Variants in USP31 observed in about 807,000 individuals in gnomAD.
USP31 encodes ubiquitin carboxyl-terminal hydrolase 31.
Under a neutral mutation model 119.4 loss-of-function variants are expected in USP31, and 44 were observed. The observed-to-expected ratio is 0.37, with a 90% confidence interval of 0.29 to 0.47. USP31 has a LOEUF of 0.47. Among genes scored for constraint, USP31 ranks in the 20% least tolerant of loss-of-function variants. The pLI, the probability that USP31 is intolerant of heterozygous loss-of-function variation, is 0.99. For synonymous variants in USP31, 749 were observed against 705.6 expected, an observed-to-expected ratio of 1.06 and a Z score of -0.97; for missense variants, 1,643 against 1,730.2, an observed-to-expected ratio of 0.95 and a Z score of 0.89.
At chr16:23,125,128 G>A (rs974975831) in intron 1 of USP31, among the ~76,000 whole-genome samples, 5 of 152,110 alleles carry the variant, frequency 3.3e-5, no homozygotes, top group Admixed American at 2.6e-4. Flanking sequence ...TTGGTTGGTT[G>A]TTCTTGCTAA....
In USP31 at chr16:23,063,985, AC is replaced by A. The variant is rs1899962167; in HGVS notation, c.*4060del. 6.6e-6 allele frequency: 1 copy of A among 152,600 alleles called. No individual in the cohort carries two copies. The highest frequency in any genetic ancestry group is 2.4e-5 in the African/African-American group (1 of 41,438). 9.5% of individuals were successfully genotyped at this position (152,600 alleles called of 1,614,324 possible). On this transcript the variant is annotated 3_prime_UTR_variant, in exon 16 of 16. Transcript: ENST00000219689. ...ATGTAGTAGAGTTTAACAATAATGT[AC>A]CCTTTATGAAATGAAAGTTAAAGAC...
rs775961971 is a variant in USP31 at position 23,067,972 on chromosome 16, A to C, written c.*74T>G. ...AAAAAGTACAAAACAAAAGCACAGG[A>C]GGCTTTGGTGGGAGGGCAGGGGTTC... On this transcript the variant is annotated 3_prime_UTR_variant, in exon 16 of 16. Coordinates refer to ENST00000219689, the MANE Select transcript of USP31 (RefSeq NM_020718.4). The C allele has an allele frequency of 2.0e-6, 3 of 1,515,946 alleles. No homozygotes were observed. The highest frequency in any genetic ancestry group is 2.6e-6 in the Non-Finnish European group (3 of 1,136,096). The allele number at this position is 1,515,946 out of a possible 1,614,324, so 93.9% of individuals were successfully genotyped here. A position where few individuals can be genotyped will look rare whatever the true frequency, so the allele number is the denominator to read the frequency against.
intron 13 of USP31, among the ~76,000 whole-genome samples, chr16:23,077,534 T>C (rs1238439405): frequency 6.6e-6 from 1 of 151,420 alleles, no homozygotes. Flanking sequence ...GAGAAAAGAG[T>C]CCCAGAGATT....
Position 23,148,684 on chromosome 16 carries a change from G to A in USP31, c.587C>T (p.Ala196Val). 3.3e-6 allele frequency: 5 copies of A among 1,493,338 alleles called. No homozygotes were observed. The highest frequency in any genetic ancestry group is 1.3e-5 in the South Asian group (1 of 78,496). 92.5% of individuals were successfully genotyped at this position (1,493,338 alleles called of 1,614,324 possible). ...VTEQLAHLVR[A>V]LWTLEYTPQH... is the part of the protein sequence containing the mutation. ...CGGGGTGTACTCCAGGGTCCAGAGGGCCCGCACCAGGTGCGCCAGCTGCTC... is the reference window on the plus strand; with the variant it reads ...CGGGGTGTACTCCAGGGTCCAGAGGACCCGCACCAGGTGCGCCAGCTGCTC... The change falls in exon 1 of 16, where the codon GCC becomes GTC. Residue 196 changes from alanine (A) to valine (V), a missense_variant. Coordinates refer to ENST00000219689, the MANE Select transcript of USP31 (RefSeq NM_020718.4).
At chr16:23,143,915 C>T (rs1021674905) in intron 1 of USP31, among the ~76,000 whole-genome samples, 1 of 152,044 alleles carries the variant, frequency 6.6e-6, no homozygotes, top group African/African-American at 2.4e-5. Flanking sequence ...GGCAAAAGTG[C>T]CCGTGTTGAA....
At chr16:23,071,722 T>C (rs1252236221) in intron 15 of USP31, among the ~76,000 whole-genome samples, 2 of 140,540 alleles carry the variant, frequency 1.4e-5, no homozygotes, top group African/African-American at 2.7e-5. Flanking sequence ...CTCTTCCAGC[T>C]ATCCTGCTTT....
chr16:23,104,788 A>G (rs1902022762), intron 5 of USP31, among the ~76,000 whole-genome samples: 2 of 152,230 alleles, frequency 1.3e-5, no homozygotes, highest in South Asian at 4.1e-4. Context: ...TTCCAAATAA[A>G]ATAATAATAG....
rs1250432650 is a variant in USP31 at position 23,068,487 on chromosome 16, G to A, written c.3618C>T (p.Ser1206=). 2 of 1,613,320 alleles carry A rather than the reference G, an allele frequency of 1.2e-6. No homozygotes were observed. Among genetic ancestry groups the A allele is most frequent in the African/African-American group, 2.7e-5 (2 of 74,928 alleles). Residue 1206 remains serine, a synonymous_variant, in exon 16 of 16, where the codon TCC becomes TCT. Transcript: ENST00000219689. Reference sequence around the variant, plus strand: ...AACCAGACTTGATGCTTGTGCTGGGGGAGCGCAGGCTGGCCATGGAGGAGC... The same window carrying A: ...AACCAGACTTGATGCTTGTGCTGGGAGAGCGCAGGCTGGCCATGGAGGAGC... ...VRSSSMASLR[S]PSTSIKSGLK...
chr16:23,075,767 C>T (rs1596686192), intron 13 of USP31, among the ~76,000 whole-genome samples: 1 of 152,134 alleles, frequency 6.6e-6, no homozygotes, highest in East Asian at 1.9e-4. Context: ...TAGCTAGAAA[C>T]AGTGCAAAAT....
At chr16:23,082,666 A>AC in intron 11 of USP31, 109 bp from the exon 12 acceptor site, 1 of 1,447,214 alleles carries the variant, frequency 6.9e-7, no homozygotes, top group East Asian at 2.4e-5. Flanking sequence ...CTCTCTGTAA[A>AC]CCGCAGATGC....
intron 1 of USP31, among the ~76,000 whole-genome samples, chr16:23,113,197 A>T (rs1902379873): frequency 6.6e-6 from 1 of 152,174 alleles, no homozygotes; most frequent in Admixed American, 6.5e-5. Context: ...TGAACCAGGA[A>T]TAGAGGAAGA....
rs760084457 is a variant in USP31 at position 23,148,770 on chromosome 16, C to T, written c.501G>A (p.Glu167=). ...ALGQYRAGRP[E]PSPDPEQPAG... is the part of the protein sequence containing the mutation. Reference sequence around the variant, plus strand: ...CAGGCTGCTCCGGGTCAGGCGAGGGCTCGGGCCGCCCCGCCCGGTACTGGC... The same window carrying T: ...CAGGCTGCTCCGGGTCAGGCGAGGGTTCGGGCCGCCCCGCCCGGTACTGGC... The change falls in exon 1 of 16, where the codon GAG becomes GAA. Residue 167 remains glutamate (E), a synonymous_variant. Coordinates refer to ENST00000219689, the MANE Select transcript of USP31 (RefSeq NM_020718.4). 2 of 1,528,662 alleles carry T rather than the reference C, an allele frequency of 1.3e-6. No individual in the cohort carries two copies. Among genetic ancestry groups the T allele is most frequent in the Admixed American group, 2.2e-5 (1 of 46,122 alleles). The allele number at this position is 1,528,662 out of a possible 1,614,324, so 94.7% of individuals were successfully genotyped here. A position where few individuals can be genotyped will look rare whatever the true frequency, so the allele number is the denominator to read the frequency against.
intron 1 of USP31, among the ~76,000 whole-genome samples, chr16:23,147,454 A>G (rs1903550972): frequency 1.3e-5 from 2 of 152,140 alleles, no homozygotes; most frequent in Non-Finnish European, 2.9e-5. Context: ...ACCTGAAAGT[A>G]TCCCTTACAC....
rs1900061414 is a variant in USP31 at position 23,066,201 on chromosome 16, G to A, written c.*1845C>T. On this transcript the variant is annotated 3_prime_UTR_variant, in exon 16 of 16. Coordinates refer to ENST00000219689, the MANE Select transcript of USP31 (RefSeq NM_020718.4). ...CAGGGCTGAGTGCAATGGACAACAG[G>A]CTCACAGTCAATGAATCACATGGAG... 6.6e-6 allele frequency: 1 copy of A among 152,502 alleles called. No individual in the cohort carries two copies. The highest frequency in any genetic ancestry group is 2.1e-4 in the South Asian group (1 of 4,832). The allele number at this position is 152,502 out of a possible 1,614,324, so 9.4% of individuals were successfully genotyped here.
chr16:23,105,638 G>T (rs1351461332), intron 4 of USP31, 62 bp from the exon 5 acceptor site: 3 of 1,447,446 alleles, frequency 2.1e-6, no homozygotes, highest in Non-Finnish European at 1.8e-6. Context: ...TATAGAAGAT[G>T]CAAAATAAAC....
intron 5 of USP31, among the ~76,000 whole-genome samples, chr16:23,105,205 GT>G: frequency 6.6e-6 from 1 of 152,292 alleles, no homozygotes; most frequent in Middle Eastern, 3.4e-3. Flanking sequence ...CTACAAGAAG[GT>G]CTTGGTGTAA....
chr16:23,112,463 T>C (rs1902350514), intron 1 of USP31, among the ~76,000 whole-genome samples: 1 of 151,740 alleles, frequency 6.6e-6, no homozygotes, highest in South Asian at 2.1e-4. Context: ...TAATCCCAGC[T>C]ACTTGGGAGG....
At chr16:23,101,530 C>G (rs2141867185) in intron 6 of USP31, among the ~76,000 whole-genome samples, 2 of 152,264 alleles carry the variant, frequency 1.3e-5, no homozygotes, top group East Asian at 3.9e-4. Flanking sequence ...AGCGGCAGTT[C>G]TCACTTAGCT....
chr16:23,070,905 T>G (rs915759657), intron 15 of USP31, among the ~76,000 whole-genome samples: 3 of 152,146 alleles, frequency 2.0e-5, no homozygotes, highest in African/African-American at 7.2e-5. Context: ...CATTATACAA[T>G]GATGATGCTT....
Sources: gnomAD v4.1 joint callset for allele counts (sites outside exome capture counted in the v4.1 genomes callset) on GRCh38, gnomAD v4.1.1 for gene constraint, MANE v1.5 for transcripts, NCBI Gene and HGNC (gene_info 2026-07-23, HGNC 2026-07-21) for gene names.